USP19: variants seen among roughly 807,000 people sequenced by gnomAD.
USP19 encodes the protein ubiquitin specific peptidase 19, also known as ubiquitin carboxyl-terminal hydrolase 19.
A neutral mutation model predicts 144.8 loss-of-function variants in USP19; 40 were observed. That is an observed-to-expected ratio of 0.28 (90% CI 0.21 to 0.36). USP19 has a LOEUF of 0.36. Ranked by LOEUF, USP19 falls within the 10% of genes least tolerant of loss-of-function variation. The pLI is 1.00. For synonymous variants in USP19, 701 were observed against 709.3 expected (o/e 0.99, Z 0.19); for missense variants, 1,518 against 1,822.5 (o/e 0.83, Z 3.04).
rs1481729666 is a variant in USP19 at position 49,111,209 on chromosome 3, A to G, written c.3329-43T>C. 7 of 1,614,084 alleles carry G rather than the reference A, an allele frequency of 4.3e-6. No individual in the cohort carries two copies. The African/African-American group carries it at 5.3e-5, about 12-fold the overall frequency. ...GAGAGGTCATGCAGCTGTGGAGAACAGCCAGCTCAACCCACCCCATGGCTC... is the reference window on the plus strand; with the variant it reads ...GAGAGGTCATGCAGCTGTGGAGAACGGCCAGCTCAACCCACCCCATGGCTC... On this transcript the variant is annotated intron_variant, in intron 22 of 26. Coordinates refer to ENST00000417901, the MANE Select transcript of USP19 (RefSeq NM_001199161.2). This position sits in a 1 kb window ranked among gnomAD's most constrained non-coding sequence, Gnocchi z 5.9.
At position 49,115,525 on chromosome 3, in the gene USP19, C is replaced by T. The variant is rs757411483; in HGVS notation, c.1807G>A (p.Val603Ile). Residue 603 changes from valine (V) to isoleucine (I), a missense_variant, in exon 12 of 27, where the codon GTC becomes ATC. Coordinates refer to ENST00000417901, the MANE Select transcript of USP19 (RefSeq NM_001199161.2). This position sits in a 1 kb window ranked among gnomAD's most constrained non-coding sequence, Gnocchi z 6.6. ...ATGAAGCAGGTGTTGCCTAAATTGACAAGGCCAGTGAAGCCTGGCAGACAC... is the reference window on the plus strand; with the variant it reads ...ATGAAGCAGGTGTTGCCTAAATTGATAAGGCCAGTGAAGCCTGGCAGACAC... ...KVCLPGFTGL[V>I]NLGNTCFMNS... 1 of 1,614,226 alleles carries T rather than the reference C, an allele frequency of 6.2e-7. No homozygotes were observed. The highest frequency in any genetic ancestry group is 8.5e-7 in the Non-Finnish European group (1 of 1,180,042).
chr3:49,111,479 G>C lies in USP19; in HGVS notation c.3217+21C>G. ...CCCTTATCCTCCTCCCCAGCTTCTA[G>C]AGCCTTTCACTGGATCTTACCTTCG... On this transcript the variant is annotated intron_variant, in intron 21 of 26. Transcript: ENST00000417901. This position sits in a 1 kb window ranked among gnomAD's most constrained non-coding sequence, Gnocchi z 5.9. The C allele has an allele frequency of 4.3e-6, 7 of 1,611,588 alleles. No homozygotes were observed. Among genetic ancestry groups the C allele is most frequent in the Non-Finnish European group, 5.9e-6 (7 of 1,179,552 alleles).
chr3:49,117,679 T>G lies in USP19; in HGVS notation c.450A>C (p.Thr150=). ...LEDVDAAFTD[T]DCVVRFAGGQ... Reference sequence around the variant, plus strand: ...CACCTGCAAACCGCACCACACAGTCTGTATCTGTGAAAGCAGCATCTACAT... The same window carrying G: ...CACCTGCAAACCGCACCACACAGTCGGTATCTGTGAAAGCAGCATCTACAT... The change falls in exon 4 of 27, where the codon ACA becomes ACC. Residue 150 remains threonine (T), a synonymous_variant. Coordinates refer to ENST00000417901, the MANE Select transcript of USP19 (RefSeq NM_001199161.2). The surrounding 1 kb of genome is among the most constrained non-coding windows in gnomAD (Gnocchi z 4.4). 6.2e-7 allele frequency: 1 copy of G among 1,614,214 alleles called. No homozygotes were observed. Among genetic ancestry groups the G allele is most frequent in the Middle Eastern group, 1.6e-4 (1 of 6,062 alleles).
Position 49,116,982 on chromosome 3 carries a change from T to A in USP19, c.910-39A>T. 6.3e-7 allele frequency: 1 copy of A among 1,594,904 alleles called. No homozygotes were observed. Among genetic ancestry groups the A allele is most frequent in the Non-Finnish European group, 8.6e-7 (1 of 1,169,036 alleles). ...GATTGTGGAAAGAATCAGCCCTGGG[T>A]CTGCCAGGTGGCTCCCACTCCAGTG... On this transcript the variant is annotated intron_variant, in intron 6 of 26. Coordinates refer to ENST00000417901, the MANE Select transcript of USP19 (RefSeq NM_001199161.2). The surrounding 1 kb of genome is among the most constrained non-coding windows in gnomAD (Gnocchi z 5.0).
At position 49,116,343 on chromosome 3, in the gene USP19, T is replaced by C. The variant is rs775343021; in HGVS notation, c.1292A>G (p.Asn431Ser). 7.4e-6 allele frequency: 12 copies of C among 1,613,894 alleles called. No individual in the cohort carries two copies. Among genetic ancestry groups the C allele is most frequent in the Non-Finnish European group, 1.0e-5 (12 of 1,180,022 alleles). The change falls in exon 9 of 27, where the codon AAC (asparagine) becomes AGC (serine). Residue 431 changes from asparagine (N) to serine (S), a missense_variant. Physicochemically the swap from Asn to Ser is conservative, Grantham distance 46. This residue lies in a region of USP19 where 707 missense variants were observed against 728.9 expected (regional missense o/e 0.97). Transcript: ENST00000417901. This position sits in a 1 kb window ranked among gnomAD's most constrained non-coding sequence, Gnocchi z 5.0. ...ACAGCCCGGGTGCAGCCTCAGGAAG[T>C]TTCCATCCCTGCAGAGGCACAGCAG... ...FTLIFQTRDG[N>S]FLRLHPGCGP...
Position 49,115,680 on chromosome 3 carries a change from T to C in USP19, c.1693-41A>G. 6.2e-7 allele frequency: 1 copy of C among 1,606,082 alleles called. No individual in the cohort carries two copies. Among genetic ancestry groups the C allele is most frequent in the Non-Finnish European group, 8.5e-7 (1 of 1,173,796 alleles). ...CGACATGAGAGAACAGCCCCAAGAC[T>C]CTCCAGCCTCCATTCTTCGTCCTTC... On this transcript the variant is annotated intron_variant, in intron 11 of 26. Coordinates refer to ENST00000417901, the MANE Select transcript of USP19 (RefSeq NM_001199161.2). This position sits in a 1 kb window ranked among gnomAD's most constrained non-coding sequence, Gnocchi z 6.6.
At chr3:49,109,908 GC>G (rs2107218630) in intron 26 of USP19, 1 of 307,268 alleles carries the variant, frequency 3.3e-6, no homozygotes, top group Non-Finnish European at 6.0e-6. Flanking sequence ...ACAGCATAGT[GC>G]CCAGTGAGGT....
Position 49,116,057 on chromosome 3 carries a change from C to T in USP19, c.1461G>A (p.Pro487=), listed in dbSNP as rs144914640. Residue 487 remains proline, a synonymous_variant, in exon 10 of 27, where the codon CCG becomes CCA. Coordinates refer to ENST00000417901, the MANE Select transcript of USP19 (RefSeq NM_001199161.2). This position sits in a 1 kb window ranked among gnomAD's most constrained non-coding sequence, Gnocchi z 5.0. ...AGCTCGTGTGCAGACCTCGTGCAGC[C>T]GGGGCCTCCAGGCCCCCCCAGCGCT... is the stretch of plus-strand genomic sequence containing the variant. ...QSQRWGGLEA[P]AARGAVGGAK... 1.4e-3 allele frequency: 2,255 copies of T among 1,597,820 alleles called. 20 individuals are homozygous for T. The African/African-American group carries it at 0.027, about 19-fold the overall frequency.
In USP19 at chr3:49,110,799, T is replaced by C. The variant is rs780164404; in HGVS notation, c.3610A>G (p.Asn1204Asp). Reference protein sequence around the residue: ...SKQLLLWRLPNVLIVQLKRFS... With the variant: ...SKQLLLWRLPDVLIVQLKRFS... ...CGCTTGAGCTGCACGATGAGAACAT[T>C]TGGCAGGCGCCATAGCAACAGCTGC... The change falls in exon 24 of 27, where the codon AAT becomes GAT. Residue 1204 changes from asparagine (N) to aspartate (D), a missense_variant. Physicochemically the swap from Asn to Asp is conservative, Grantham distance 23. This residue lies in a region of USP19 where 122 missense variants were observed against 200.4 expected (regional missense o/e 0.61). Coordinates refer to ENST00000417901, the MANE Select transcript of USP19 (RefSeq NM_001199161.2). The surrounding 1 kb of genome is among the most constrained non-coding windows in gnomAD (Gnocchi z 6.1). The C allele has an allele frequency of 1.2e-6, 2 of 1,614,172 alleles. No homozygotes were observed. The highest frequency in any genetic ancestry group is 2.2e-5 in the East Asian group (1 of 44,888).
Position 49,110,435 on chromosome 3 carries a change from T to G in USP19, c.3859+9A>C, listed in dbSNP as rs771136210. 83 of 1,613,358 alleles carry G rather than the reference T, an allele frequency of 5.1e-5. No homozygotes were observed. Among genetic ancestry groups the G allele is most frequent in the Non-Finnish European group, 6.9e-5 (81 of 1,179,586 alleles). ...TACCACCTATCCTGCTGGCTGTGTGTGCCCTCACCCACGTCACTGCGCTGA... is the reference window on the plus strand; with the variant it reads ...TACCACCTATCCTGCTGGCTGTGTGGGCCCTCACCCACGTCACTGCGCTGA... On this transcript the variant is annotated intron_variant, in intron 25 of 26. Transcript: ENST00000417901. The surrounding 1 kb of genome is among the most constrained non-coding windows in gnomAD (Gnocchi z 6.1).
chr3:49,115,684 C>A lies in USP19; in HGVS notation c.1692+40G>T. On this transcript the variant is annotated intron_variant, in intron 11 of 26. Coordinates refer to ENST00000417901, the MANE Select transcript of USP19 (RefSeq NM_001199161.2). The surrounding 1 kb of genome is among the most constrained non-coding windows in gnomAD (Gnocchi z 6.6). Reference sequence around the variant, plus strand: ...ATGAGAGAACAGCCCCAAGACTCTCCAGCCTCCATTCTTCGTCCTTCCCAC... The same window carrying A: ...ATGAGAGAACAGCCCCAAGACTCTCAAGCCTCCATTCTTCGTCCTTCCCAC... 6.2e-7 allele frequency: 1 copy of A among 1,606,448 alleles called. No individual in the cohort carries two copies. The highest frequency in any genetic ancestry group is 8.5e-7 in the Non-Finnish European group (1 of 1,174,008).
chr3:49,120,697 C>G (rs1297250405), intron 1 of USP19, 59 bp downstream of exon 1: 2 of 188,930 alleles, frequency 1.1e-5, no homozygotes, highest in South Asian at 1.0e-4. Flanking sequence ...CCGCCGCGGC[C>G]GCGCGTTGCG....
Position 49,111,915 on chromosome 3 carries a change from C to T in USP19, c.2899G>A (p.Ala967Thr). 1 of 1,613,978 alleles carries T rather than the reference C, an allele frequency of 6.2e-7. No individual in the cohort carries two copies. Among genetic ancestry groups the T allele is most frequent in the South Asian group, 1.1e-5 (1 of 91,070 alleles). Residue 967 changes from alanine to threonine, a missense_variant, in exon 20 of 27, where the codon GCC becomes ACC. Ala to Thr is a moderately conservative substitution (Grantham distance 58, BLOSUM62 0). This residue lies in a region of USP19 where 413 missense variants were observed against 515.8 expected (regional missense o/e 0.80). Transcript: ENST00000417901. The surrounding 1 kb of genome is among the most constrained non-coding windows in gnomAD (Gnocchi z 5.9). ...GTCCAACCACTGGGCACTTACCGGG[C>T]ATAGCCCTCTAGCAACTGAGCGAGG... The part of the protein sequence containing the change: ...ARLAQLLEGY[A>T]RYSVSVFQPP...
Position 49,114,668 on chromosome 3 carries a change from C to T in USP19, c.2292+95G>A. The T allele has an allele frequency of 7.3e-7, 1 of 1,377,264 alleles. No homozygotes were observed. Among genetic ancestry groups the T allele is most frequent in the Non-Finnish European group, 1.0e-6 (1 of 986,078 alleles). 85.3% of individuals were successfully genotyped at this position (1,377,264 alleles called of 1,614,324 possible). A position where few individuals can be genotyped will look rare whatever the true frequency, so the allele number is the denominator to read the frequency against. ...CCAGCTTCTTTGCCCAAACCTTGCC[C>T]TGTAGCACCTTAAGATGCACATGCC... is the stretch of plus-strand genomic sequence containing the variant. On this transcript the variant is annotated intron_variant, in intron 15 of 26. Transcript: ENST00000417901. This position sits in a 1 kb window ranked among gnomAD's most constrained non-coding sequence, Gnocchi z 4.5.
rs779019271 is a variant in USP19 at position 49,116,541 on chromosome 3, A to G, written c.1193T>C (p.Val398Ala). The stretch of plus-strand genomic sequence containing the variant: ...CTCCTTCACGTACACGTGCACCACC[A>G]CTGAATCCGGGCCCTTCTCATACGA... ...NDSYEKGPDS[V>A]VVHVYVKEIC... The change falls in exon 8 of 27, where the codon GTG becomes GCG. Residue 398 changes from valine to alanine, a missense_variant. Transcript: ENST00000417901. The surrounding 1 kb of genome is among the most constrained non-coding windows in gnomAD (Gnocchi z 5.0). The G allele has an allele frequency of 1.2e-6, 2 of 1,614,170 alleles. No homozygotes were observed. Among genetic ancestry groups the G allele is most frequent in the Non-Finnish European group, 1.7e-6 (2 of 1,180,038 alleles).
chr3:49,108,858 A>G lies in USP19; in HGVS notation c.4039-330T>C. On this transcript the variant is annotated intron_variant, in intron 26 of 26. Transcript: ENST00000417901. The surrounding 1 kb of genome is among the most constrained non-coding windows in gnomAD (Gnocchi z 4.8). ...CCCCACCCTCTCCCACCAGATGCATAAGCTGAGGCCCAAAGCCCAGAGGTG... is the reference window on the plus strand; with the variant it reads ...CCCCACCCTCTCCCACCAGATGCATGAGCTGAGGCCCAAAGCCCAGAGGTG... 6.8e-7 allele frequency: 1 copy of G among 1,469,814 alleles called. No homozygotes were observed. The highest frequency in any genetic ancestry group is 9.0e-7 in the Non-Finnish European group (1 of 1,109,104). 91.0% of individuals were successfully genotyped at this position (1,469,814 alleles called of 1,614,324 possible).
Position 49,111,043 on chromosome 3 carries a change from G to C in USP19, c.3452C>G (p.Ser1151Cys), listed in dbSNP as rs763463737. The C allele has an allele frequency of 2.5e-6, 4 of 1,613,924 alleles. No homozygotes were observed. Among genetic ancestry groups the C allele is most frequent in the African/African-American group, 1.3e-5 (1 of 74,924 alleles). ...GCCGGCCCGGGCAGCCTCACCGGCA[G>C]AGCCTGGATCCTCAGCACATTCCAG... Reference protein sequence around the residue: ...KELECAEDPGSAGEAARAGHF... With the variant: ...KELECAEDPGCAGEAARAGHF... Residue 1151 changes from serine (S) to cysteine (C), a missense_variant, in exon 23 of 27, where the codon TCT (serine) becomes TGT (cysteine). Ser to Cys is a moderately radical substitution (Grantham distance 112, BLOSUM62 -1). Coordinates refer to ENST00000417901, the MANE Select transcript of USP19 (RefSeq NM_001199161.2). The surrounding 1 kb of genome is among the most constrained non-coding windows in gnomAD (Gnocchi z 5.9).
In USP19 at chr3:49,116,738, G is replaced by A; in HGVS notation, c.1115C>T (p.Thr372Ile). 1 of 1,611,396 alleles carries A rather than the reference G, an allele frequency of 6.2e-7. No homozygotes were observed. Among genetic ancestry groups the A allele is most frequent in the Non-Finnish European group, 8.5e-7 (1 of 1,178,372 alleles). Residue 372 changes from threonine (T) to isoleucine (I), a missense_variant, in exon 7 of 27, where the codon ACC (threonine) becomes ATC (isoleucine). Thr to Ile is a moderately conservative substitution (Grantham distance 89, BLOSUM62 -1). Coordinates refer to ENST00000417901, the MANE Select transcript of USP19 (RefSeq NM_001199161.2). The surrounding 1 kb of genome is among the most constrained non-coding windows in gnomAD (Gnocchi z 5.0). ...ACCCCCACCTTTACCATCCACCAAG[G>A]TTGCAGCATCTGCTGCCACTGCCAT... ...EEMAVAADAA[T>I]LVDEPESMVN...
In USP19 at chr3:49,111,057, A is replaced by G. The variant is rs774569300; in HGVS notation, c.3438T>C (p.Ala1146=). ...CCTCACCGGCAGAGCCTGGATCCTC[A>G]GCACATTCCAGCTCCTTGGAGGCTA... ...VLVASKELEC[A]EDPGSAGEAA... Residue 1146 remains alanine, a synonymous_variant, in exon 23 of 27, where the codon GCT becomes GCC. Transcript: ENST00000417901. This position sits in a 1 kb window ranked among gnomAD's most constrained non-coding sequence, Gnocchi z 5.9. 6 of 1,614,058 alleles carry G rather than the reference A, an allele frequency of 3.7e-6. No individual in the cohort carries two copies. The highest frequency in any genetic ancestry group is 3.3e-5 in the South Asian group (3 of 91,086).
Sources: gnomAD v4.1 joint callset for allele counts on GRCh38, gnomAD v4.1.1 for gene constraint, gnomAD v4.1.1 regional missense constraint, Gnocchi (gnomAD v3.1) non-coding constraint, MANE v1.5 for transcripts, NCBI Gene and HGNC (gene_info 2026-07-23, HGNC 2026-07-21) for gene names.